LMBR1: variants seen among roughly 807,000 people sequenced by gnomAD.
LMBR1 encodes limb development membrane protein 1, also known as limb region 1 protein homolog.
A neutral mutation model predicts 73.9 loss-of-function variants in LMBR1; 52 were observed. That is an observed-to-expected ratio of 0.70 (90% CI 0.56 to 0.89). The LOEUF (loss-of-function observed/expected upper bound fraction) is 0.89. LMBR1 is among the 40% of genes least tolerant of loss of function. LMBR1 has a pLI of 0.00. For missense variants in LMBR1, 539 were observed against 579.8 expected (o/e 0.93, Z 0.72); for synonymous variants, 215 against 209.4 (o/e 1.03, Z -0.23).
chr7:156,798,083 T>C (rs1173847409), intron 4 of LMBR1, among the ~76,000 whole-genome samples: 1 of 152,236 alleles, frequency 6.6e-6, no homozygotes, highest in Non-Finnish European at 1.5e-5. Context: ...GATGGCTGCA[T>C]GCACACAATT....
chr7:156,807,802 A>G (rs1832409311), intron 4 of LMBR1, among the ~76,000 whole-genome samples: 1 of 152,192 alleles, frequency 6.6e-6, no homozygotes, highest in Non-Finnish European at 1.5e-5. Flanking sequence ...CGCAAATATT[A>G]AAATGTTTTA....
chr7:156,817,486 AAGAGACAG>A (rs1834090406), intron 4 of LMBR1, among the ~76,000 whole-genome samples: 1 of 133,568 alleles, frequency 7.5e-6, no homozygotes, highest in Non-Finnish European at 1.6e-5. Context: ...TTGGGGTAAA[AAGAGACAG>A]AGAGAGAGAG....
chr7:156,730,060 A>C (rs1018717197), intron 10 of LMBR1, among the ~76,000 whole-genome samples: 3 of 152,234 alleles, frequency 2.0e-5, no homozygotes, highest in Non-Finnish European at 2.9e-5. Context: ...GAGGGTGAGA[A>C]ATCAATGGGT....
intron 5 of LMBR1, among the ~76,000 whole-genome samples, chr7:156,794,454 T>G (rs1829755991): frequency 6.6e-6 from 1 of 152,192 alleles, no homozygotes; most frequent in Non-Finnish European, 1.5e-5. Context: ...TGTCATTTTT[T>G]TCTTTTTTAA....
downstream of LMBR1, among the ~76,000 whole-genome samples, chr7:156,673,501 G>A (rs1024186921): frequency 6.6e-6 from 1 of 152,130 alleles, no homozygotes; most frequent in Non-Finnish European, 1.5e-5. Context: ...TTAAGATACA[G>A]CTGCTTGGCA....
At chr7:156,676,319 G>A, downstream of LMBR1, 1 of 1,612,418 alleles carries the variant, frequency 6.2e-7, no homozygotes, top group South Asian at 1.1e-5. Flanking sequence ...ATGTTTCGAA[G>A]ACCCATGTCT....
At chr7:156,809,162 G>T (rs1474825006) in intron 4 of LMBR1, among the ~76,000 whole-genome samples, 1 of 152,072 alleles carries the variant, frequency 6.6e-6, no homozygotes, top group East Asian at 1.9e-4. Context: ...TTTAGCTCAC[G>T]GTTCCTAGAT....
intron 1 of LMBR1, among the ~76,000 whole-genome samples, chr7:156,873,686 C>T (rs1320856095): frequency 1.3e-5 from 2 of 152,122 alleles, no homozygotes; most frequent in East Asian, 3.9e-4. Context: ...ACCAGAGCAG[C>T]TAGATACAGA....
intron 15 of LMBR1, among the ~76,000 whole-genome samples, chr7:156,692,716 T>C (rs528367245): frequency 2.4e-4 from 36 of 152,186 alleles, no homozygotes; most frequent in South Asian, 8.3e-4. Flanking sequence ...GAGACGAAGC[T>C]TGGAGCATAA....
rs1204178923 is a variant in LMBR1 at position 156,702,404 on chromosome 7, T to C, written c.1226-14213A>G. Among the ~76,000 whole-genome samples, 2 of 152,252 alleles carry C rather than the reference T, an allele frequency of 1.3e-5. 1 individual carries two copies. Among genetic ancestry groups the C allele is most frequent in the Non-Finnish European group, 2.9e-5 (2 of 68,040 alleles). ...TGTTGAGCTTTTTTTCATATGTTTC[T>C]GGACCACATAAATGTCTTCTTTTGA... On this transcript the variant is annotated intron_variant, in intron 15 of 16. Transcript: ENST00000353442.
At chr7:156,732,577 G>A (rs934229436) in intron 10 of LMBR1, among the ~76,000 whole-genome samples, 1 of 152,088 alleles carries the variant, frequency 6.6e-6, no homozygotes, top group East Asian at 1.9e-4. Flanking sequence ...GCTAAAGAAA[G>A]AACCACCCCA....
Position 156,763,046 on chromosome 7 carries a change from G to C in LMBR1, c.619+62C>G. 3 of 880,522 alleles carry C rather than the reference G, an allele frequency of 3.4e-6. No individual in the cohort carries two copies. In the East Asian group the frequency reaches 8.4e-5, roughly 25 times the overall value. 54.5% of individuals were successfully genotyped at this position (880,522 alleles called of 1,614,324 possible). On this transcript the variant is annotated intron_variant, in intron 7 of 16. Transcript: ENST00000353442. ...AGAAATCTCATCAGAAAACTTCCCTGAATTTTCCAGAATAAGGACAACTCT... is the reference window on the plus strand; with the variant it reads ...AGAAATCTCATCAGAAAACTTCCCTCAATTTTCCAGAATAAGGACAACTCT...
intron 15 of LMBR1, among the ~76,000 whole-genome samples, chr7:156,709,374 C>CT (rs1318665667): frequency 3.3e-5 from 5 of 152,334 alleles, no homozygotes; most frequent in Admixed American, 3.3e-4. Flanking sequence ...CCACATGACA[C>CT]TTTCACTCCT....
chr7:156,795,350 T>C (rs1829896825), intron 5 of LMBR1, among the ~76,000 whole-genome samples: 1 of 152,208 alleles, frequency 6.6e-6, no homozygotes, highest in Non-Finnish European at 1.5e-5. Flanking sequence ...TGTCCGACCC[T>C]TGAAGGCCAG....
intron 1 of LMBR1, among the ~76,000 whole-genome samples, chr7:156,883,071 A>G (rs193232434): frequency 2.0e-4 from 29 of 148,576 alleles, no homozygotes. Flanking sequence ...TAGATCTCAC[A>G]TTAGGTATTC....
At chr7:156,712,507 A>AGTT (rs2132207524) in intron 15 of LMBR1, among the ~76,000 whole-genome samples, 1 of 152,360 alleles carries the variant, frequency 6.6e-6, no homozygotes, top group East Asian at 1.9e-4. Context: ...CAATCCCAGT[A>AGTT]CTGGGTATCT....
At position 156,685,740 on chromosome 7, in the gene LMBR1, C is replaced by A. The variant is rs1805873050; in HGVS notation, c.1388-1577G>T. On this transcript the variant is annotated intron_variant, in intron 16 of 16. Transcript: ENST00000353442. This position sits in a 1 kb window ranked among gnomAD's most constrained non-coding sequence, Gnocchi z 4.1. ...ATGATCATCATGTGGCCTATGGCCA[C>A]ACAGCAGCACTTCCACAGGGCAGAT... Among the ~76,000 whole-genome samples, 1 of 152,242 alleles carries A rather than the reference C, an allele frequency of 6.6e-6. No homozygotes were observed. Among genetic ancestry groups the A allele is most frequent in the Non-Finnish European group, 1.5e-5 (1 of 68,040 alleles).
At chr7:156,846,138 G>A (rs889185642) in intron 1 of LMBR1, among the ~76,000 whole-genome samples, 4 of 151,934 alleles carry the variant, frequency 2.6e-5, no homozygotes, top group South Asian at 2.1e-4. Flanking sequence ...AAAATTAGCC[G>A]GCATGAACAT....
intron 15 of LMBR1, among the ~76,000 whole-genome samples, chr7:156,700,374 A>T (rs116971796): frequency 6.9e-6 from 1 of 144,488 alleles, no homozygotes; most frequent in Non-Finnish European, 1.5e-5. Flanking sequence ...TGGGAACATC[A>T]CTCACCTCGG....
Sources: gnomAD v4.1 joint callset for allele counts (sites outside exome capture counted in the v4.1 genomes callset) on GRCh38, gnomAD v4.1.1 for gene constraint, Gnocchi (gnomAD v3.1) non-coding constraint, MANE v1.5 for transcripts, NCBI Gene and HGNC (gene_info 2026-07-23, HGNC 2026-07-21) for gene names.